SPPL2B: variants seen among roughly 807,000 people sequenced by gnomAD.
The protein encoded by SPPL2B is signal peptide peptidase-like 2B.
A neutral mutation model predicts 59.7 loss-of-function variants in SPPL2B; 39 were observed. The observed-to-expected ratio is 0.65, with a 90% CI of 0.51 to 0.85. The LOEUF is 0.85. Among genes scored for constraint, SPPL2B ranks in the 40% least tolerant of loss-of-function variants. SPPL2B has a pLI of 0.00. For missense variants in SPPL2B, 865 were observed against 849.0 expected (o/e 1.02, Z -0.23); for synonymous variants, 419 against 370.8 (o/e 1.13, Z -1.49).
chr19:2,331,604 G>T (rs1360666485), intron 1 of SPPL2B, among the ~76,000 whole-genome samples: 1 of 152,212 alleles, frequency 6.6e-6, no homozygotes, highest in Non-Finnish European at 1.5e-5. Flanking sequence ...TTTGCGAATT[G>T]TGGAGAGGAA....
chr19:2,343,921 G>T (rs1360740868), intron 9 of SPPL2B, 44 bp from the exon 10 acceptor site: 2 of 1,458,418 alleles, frequency 1.4e-6, no homozygotes, highest in Non-Finnish European at 1.9e-6. Context: ...AGTGGGGGAG[G>T]CACGGGCCGG....
At position 2,340,669 on chromosome 19, in the gene SPPL2B, AG is replaced by A. The variant is rs1478109176; in HGVS notation, c.840-225del. On this transcript the variant is annotated intron_variant, in intron 7 of 14. Coordinates refer to ENST00000613503, the MANE Select transcript of SPPL2B (RefSeq NM_152988.3). ...CGGGCGAAGGGGCGCAGCGCAGGCG[AG>A]GGGCTCTGTGGGTACAGCCCGTGGC... 2.0e-5 allele frequency among the ~76,000 whole-genome samples: 3 copies of A among 152,176 alleles called. No homozygotes were observed. The East Asian group carries it at 5.8e-4, about 29-fold the overall frequency.
chr19:2,341,151 C>T, intron 8 of SPPL2B, 137 bp downstream of exon 8: 2 of 726,258 alleles, frequency 2.8e-6, no homozygotes, highest in South Asian at 1.5e-5. Context: ...ATGAAGAGCC[C>T]TGGCCCCGGG....
intron 13 of SPPL2B, among the ~76,000 whole-genome samples, chr19:2,350,461 C>T (rs981315867): frequency 1.3e-5 from 2 of 151,634 alleles, no homozygotes; most frequent in Non-Finnish European, 2.9e-5. Flanking sequence ...TCCGTTCTCT[C>T]TCTCCACACA....
chr19:2,353,266 G>T lies in SPPL2B; in HGVS notation c.*57G>T. 6.5e-7 allele frequency: 1 copy of T among 1,542,446 alleles called. No individual in the cohort carries two copies. Among genetic ancestry groups the T allele is most frequent in the East Asian group, 2.3e-5 (1 of 44,222 alleles). ...CCACACCAAGATGTTGGGGCTGCCT[G>T]GCGCCCACTGGAGACAGACAGACAG... On this transcript the variant is annotated 3_prime_UTR_variant, in exon 15 of 15. Transcript: ENST00000613503.
intron 13 of SPPL2B, among the ~76,000 whole-genome samples, chr19:2,346,599 C>G (rs1969384196): frequency 6.6e-6 from 1 of 152,254 alleles, no homozygotes; most frequent in East Asian, 1.9e-4. Flanking sequence ...CCTGGGAGTT[C>G]AAGGCTGCAG....
Position 2,338,842 on chromosome 19 carries a change from G to C in SPPL2B, c.459+1G>C. 1 of 1,613,020 alleles carries C rather than the reference G, an allele frequency of 6.2e-7. No individual in the cohort carries two copies. Among genetic ancestry groups the C allele is most frequent in the Non-Finnish European group, 8.5e-7 (1 of 1,179,366 alleles). ...CAAAGACATGCTGGACATCTTCACG[G>C]TAGGTCTGCGCCGGCTCAGACCCAC... On this transcript the variant is annotated splice_donor_variant, in intron 4 of 14. Coordinates refer to ENST00000613503, the MANE Select transcript of SPPL2B (RefSeq NM_152988.3). LOFTEE classifies it high-confidence loss of function.
Position 2,353,521 on chromosome 19 carries a change from G to A in SPPL2B, c.*312G>A, listed in dbSNP as rs1390079953. On this transcript the variant is annotated 3_prime_UTR_variant, in exon 15 of 15. Coordinates refer to ENST00000613503, the MANE Select transcript of SPPL2B (RefSeq NM_152988.3). ...GCCTCTCTGCAGACCCTCAAGCGTC[G>A]TCTGCATGAGTGAGCAGGCGTGGGT... 3.7e-5 allele frequency: 14 copies of A among 376,656 alleles called. No homozygotes were observed. Among genetic ancestry groups the A allele is most frequent in the Non-Finnish European group, 5.8e-5 (12 of 207,508 alleles). 23.3% of individuals were successfully genotyped at this position (376,656 alleles called of 1,614,324 possible). A position where few individuals can be genotyped will look rare whatever the true frequency, so the allele number is the denominator to read the frequency against.
rs1347160394 is a variant in SPPL2B, at chr19:2,343,283, C to A, written c.1029C>A (p.Pro343=). The A allele has an allele frequency of 1.3e-6, 2 of 1,553,048 alleles. No individual in the cohort carries two copies. Among genetic ancestry groups the A allele is most frequent in the South Asian group, 1.2e-5 (1 of 84,228 alleles). ...ACATGCTGAAGACCATCCGTCTGCC[C>A]ACCTTCAAGGTGAGTGCAGGGAGGG... ...CLYMLKTIRL[P]TFKACTLLLL... is the part of the protein sequence containing the mutation. The change falls in exon 9 of 15, where the codon CCC becomes CCA. Residue 343 remains proline, a synonymous_variant. Transcript: ENST00000613503.
intron 13 of SPPL2B, 55 bp downstream of exon 13, chr19:2,345,385 C>A: frequency 6.7e-7 from 1 of 1,493,442 alleles, no homozygotes; most frequent in Non-Finnish European, 9.3e-7. Context: ...CCCACCCCGA[C>A]TTAGCCTCTG....
intron 14 of SPPL2B, 120 bp downstream of exon 14, chr19:2,351,714 C>G: frequency 7.4e-7 from 1 of 1,342,440 alleles, no homozygotes; most frequent in Non-Finnish European, 1.0e-6. Context: ...GCTCAGGGTC[C>G]TGGTACCTTC....
chr19:2,350,295 G>A (rs1228333280), intron 13 of SPPL2B, among the ~76,000 whole-genome samples: 5 of 127,782 alleles, frequency 3.9e-5, no homozygotes, highest in Non-Finnish European at 8.0e-5. Flanking sequence ...ACACACTCAC[G>A]CGCTGTCATT....
intron 1 of SPPL2B, among the ~76,000 whole-genome samples, chr19:2,328,977 G>T (rs1968139325): frequency 6.6e-6 from 1 of 152,148 alleles, no homozygotes; most frequent in Non-Finnish European, 1.5e-5. Context: ...TCCTTTCCCC[G>T]CCTCGGAGGC....
At chr19:2,330,139 C>T (rs959814542) in intron 1 of SPPL2B, among the ~76,000 whole-genome samples, 5 of 151,576 alleles carry the variant, frequency 3.3e-5, no homozygotes, top group Non-Finnish European at 5.9e-5. Context: ...GACGGAGTCT[C>T]GCTCTGTCGC....
chr19:2,343,957 C>T lies in SPPL2B; in HGVS notation c.1039-8C>T. On this transcript the variant is annotated splice_polypyrimidine_tract_variant and splice_region_variant and intron_variant, in intron 9 of 14. Coordinates refer to ENST00000613503, the MANE Select transcript of SPPL2B (RefSeq NM_152988.3). ...GGTGGGGGCCGCCCTCAGCCGTGGG[C>T]TTCGCAGGCCTGCACGCTGCTGCTG... 1 of 1,547,354 alleles carries T rather than the reference C, an allele frequency of 6.5e-7. No individual in the cohort carries two copies. Among genetic ancestry groups the T allele is most frequent in the South Asian group, 1.2e-5 (1 of 83,964 alleles).
At chr19:2,339,039 C>T (rs1481278186) in intron 4 of SPPL2B, 30 bp from the exon 5 acceptor site, 25 of 1,537,080 alleles carry the variant, frequency 1.6e-5, no homozygotes, top group East Asian at 4.9e-5. Context: ...GTGGCTCTGA[C>T]GCCTGCCTCC....
At chr19:2,345,833 G>A (rs1358022670) in intron 13 of SPPL2B, among the ~76,000 whole-genome samples, 5 of 122,094 alleles carry the variant, frequency 4.1e-5, no homozygotes, top group African/African-American at 6.5e-5. Context: ...CCGTGCCTCC[G>A]TCCCTGTCTT....
chr19:2,346,402 A>G (rs1035466165), intron 13 of SPPL2B, among the ~76,000 whole-genome samples: 2 of 152,252 alleles, frequency 1.3e-5, no homozygotes, highest in African/African-American at 4.8e-5. Flanking sequence ...ACGGGGGCTC[A>G]TGTCTGTGAT....
Position 2,353,289 on chromosome 19 carries a change from C to G in SPPL2B, c.*80C>G. 6.8e-7 allele frequency: 1 copy of G among 1,470,264 alleles called. No homozygotes were observed. The highest frequency in any genetic ancestry group is 9.0e-7 in the Non-Finnish European group (1 of 1,107,896). 91.1% of individuals were successfully genotyped at this position (1,470,264 alleles called of 1,614,324 possible). A position where few individuals can be genotyped will look rare whatever the true frequency, so the allele number is the denominator to read the frequency against. ...CTGGCGCCCACTGGAGACAGACAGA[C>G]AGACGCCTGTCCCCCGGGACCGAGG... On this transcript the variant is annotated 3_prime_UTR_variant, in exon 15 of 15. Transcript: ENST00000613503.
Sources: gnomAD v4.1 joint callset for allele counts (sites outside exome capture counted in the v4.1 genomes callset) on GRCh38, gnomAD v4.1.1 for gene constraint, MANE v1.5 for transcripts, NCBI Gene and HGNC (gene_info 2026-07-23, HGNC 2026-07-21) for gene names.